PCNT: variants seen among roughly 807,000 people sequenced by gnomAD.
PCNT encodes kendrin.
In PCNT, 319 loss-of-function variants were observed where a neutral mutation model predicts 380.4. The ratio of observed to expected loss-of-function variants is 0.84; its 90% CI spans 0.77 to 0.92. PCNT has a LOEUF of 0.92. PCNT is among the 40% of genes least tolerant of loss of function. The pLI is 0.00. For synonymous variants in PCNT, 1,845 were observed against 1,735.2 expected, an observed-to-expected ratio of 1.06 and a Z score of -1.57; for missense variants, 4,400 against 4,255.3, an observed-to-expected ratio of 1.03 and a Z score of -0.95.
chr21:46,402,562 G>C (rs1222331905), intron 27 of PCNT, 79 bp downstream of exon 27: 25 of 1,474,604 alleles, frequency 1.7e-5, no homozygotes, highest in Non-Finnish European at 2.3e-5. Flanking sequence ...GACCCTCATC[G>C]GGGAGGCGAG....
At chr21:46,373,870 C>T (rs2085244621) in intron 15 of PCNT, among the ~76,000 whole-genome samples, 1 of 151,192 alleles carries the variant, frequency 6.6e-6, no homozygotes, top group African/African-American at 2.4e-5. Flanking sequence ...GCTGGGATTA[C>T]AGGCACATAC....
chr21:46,409,901 A>G lies in PCNT; in HGVS notation c.5116-1288A>G, dbSNP rs573382522. 7.2e-4 allele frequency among the ~76,000 whole-genome samples: 110 copies of G among 152,246 alleles called. 1 individual carries two copies. The highest frequency in any genetic ancestry group is 2.4e-3 in the African/African-American group (98 of 41,540). On this transcript the variant is annotated intron_variant, in intron 27 of 46. Coordinates refer to ENST00000359568, the MANE Select transcript of PCNT (RefSeq NM_006031.6). ...GAGCCACCGCGCCCGGCCTCAGTTC[A>G]CTGATTTCAGGTTTTGGTGTTTTAC... is the stretch of plus-strand genomic sequence containing the variant.
Position 46,326,459 on chromosome 21 carries a change from T to C in PCNT, c.137T>C (p.Val46Ala). The C allele has an allele frequency of 6.2e-7, 1 of 1,614,234 alleles. No individual in the cohort carries two copies. The highest frequency in any genetic ancestry group is 1.1e-5 in the South Asian group (1 of 91,086). ...ACGGCGAAGAGGAAGGGCTCGGCTG[T>C]CGATGCGTCTGTCCAGGAGGAGAGT... Reference protein sequence around the residue: ...KKTAKRKGSAVDASVQEESPV... With the variant: ...KKTAKRKGSAADASVQEESPV... Residue 46 changes from valine (V) to alanine (A), a missense_variant, in exon 2 of 47, where the codon GTC becomes GCC. Physicochemically the swap from Val to Ala is moderately conservative, Grantham distance 64 (BLOSUM62 0). Transcript: ENST00000359568.
chr21:46,442,580 C>T lies in PCNT; in HGVS notation c.9700+7C>T, dbSNP rs1423631131. ...GGCAAAGCCCCTCGCCCAGGTGGGA[C>T]TCCAGCTGCTGTTGACCGCTGGACT... is the stretch of plus-strand genomic sequence containing the variant. On this transcript the variant is annotated splice_region_variant and intron_variant, in intron 44 of 46. Transcript: ENST00000359568. 2 of 1,562,480 alleles carry T rather than the reference C, an allele frequency of 1.3e-6. No homozygotes were observed. The highest frequency in any genetic ancestry group is 2.7e-5 in the African/African-American group (2 of 73,834).
intron 29 of PCNT, 48 bp downstream of exon 29, chr21:46,413,040 A>T (rs1253267199): frequency 6.5e-7 from 1 of 1,544,314 alleles, no homozygotes; most frequent in Non-Finnish European, 8.8e-7. Flanking sequence ...GAGGCTGGAC[A>T]CGCGGCAGCA....
intron 9 of PCNT, among the ~76,000 whole-genome samples, chr21:46,352,498 C>A (rs539134164): frequency 1.3e-5 from 2 of 152,280 alleles, no homozygotes; most frequent in African/African-American, 4.8e-5. Context: ...ATGCAGAGAA[C>A]CCCGATTTGC....
rs2084069789 is a variant in PCNT, at chr21:46,346,433, C to A, written c.720+225C>A. 2.6e-5 allele frequency among the ~76,000 whole-genome samples: 4 copies of A among 152,276 alleles called. No homozygotes were observed. In the South Asian group the frequency reaches 8.3e-4, roughly 32 times the overall value. On this transcript the variant is annotated intron_variant, in intron 4 of 46. Transcript: ENST00000359568. Reference sequence around the variant, plus strand: ...AGGTGCAGGCCACATGAATGACACACTGACCTCAGGCCGGTTGCTCTCCCT... The same window carrying A: ...AGGTGCAGGCCACATGAATGACACAATGACCTCAGGCCGGTTGCTCTCCCT...
At chr21:46,340,063 C>G (rs1039546827) in intron 3 of PCNT, among the ~76,000 whole-genome samples, 7 of 152,184 alleles carry the variant, frequency 4.6e-5, no homozygotes, top group Non-Finnish European at 8.8e-5. Context: ...TTAATGGACT[C>G]ACAGTTCCAC....
chr21:46,416,737 G>A lies in PCNT; in HGVS notation c.6819G>A (p.Gly2273=), dbSNP rs200610141. The A allele has an allele frequency of 3.7e-4, 583 of 1,596,348 alleles. No individual in the cohort carries two copies. The highest frequency in any genetic ancestry group is 4.6e-4 in the Non-Finnish European group (544 of 1,170,166). Residue 2273 remains glycine, a synonymous_variant, in exon 30 of 47, where the codon GGG becomes GGA. Transcript: ENST00000359568. ...ACACCTCGCTGCCACAGACCCAGGG[G>A]CCGGGGCTGCTTTGTTCCCCAGGCG... ...RADTSLPQTQ[G]PGLLCSPGVS... is the part of the protein sequence containing the mutation.
intron 1 of PCNT, chr21:46,324,775 C>G (rs1328587076): frequency 1.5e-6 from 1 of 655,618 alleles, no homozygotes; most frequent in Non-Finnish European, 1.9e-6. Context: ...TGGTCTAGGG[C>G]CAGTTTCCTG....
At chr21:46,374,742 G>A (rs2085277007) in intron 15 of PCNT, among the ~76,000 whole-genome samples, 1 of 151,928 alleles carries the variant, frequency 6.6e-6, no homozygotes, top group South Asian at 2.1e-4. Context: ...CCAGCTACTC[G>A]GGAGGCTGAG....
intron 16 of PCNT, among the ~76,000 whole-genome samples, chr21:46,383,872 G>A (rs150720703): frequency 0.11 from 15,588 of 139,196 alleles, 2,909 homozygotes; most frequent in African/African-American, 0.37. Context: ...TGACGGAAGC[G>A]CATTCACGGT....
chr21:46,325,011 C>T (rs2083324971), intron 1 of PCNT: 2 of 985,202 alleles, frequency 2.0e-6, no homozygotes, highest in Admixed American at 6.1e-5. Flanking sequence ...ACCCACGCGG[C>T]GCTGGCGCCG....
chr21:46,344,983 G>T (rs536225790), intron 3 of PCNT, among the ~76,000 whole-genome samples: 1 of 152,184 alleles, frequency 6.6e-6, no homozygotes, highest in Non-Finnish European at 1.5e-5. Context: ...CTGAGGATTC[G>T]TAATATTCTT....
At position 46,425,765 on chromosome 21, in the gene PCNT, G is replaced by C; in HGVS notation, c.7180-66G>C. On this transcript the variant is annotated intron_variant, in intron 32 of 46. Coordinates refer to ENST00000359568, the MANE Select transcript of PCNT (RefSeq NM_006031.6). This position sits in a 1 kb window ranked among gnomAD's most constrained non-coding sequence, Gnocchi z 4.2. ...GTCCTGGCGGCAGCTCGGGGCCGCA[G>C]GTGGTGTAGAGCGTGGCTGTGTGGG... 1 of 1,608,304 alleles carries C rather than the reference G, an allele frequency of 6.2e-7. No homozygotes were observed. Among genetic ancestry groups the C allele is most frequent in the Non-Finnish European group, 8.5e-7 (1 of 1,178,534 alleles).
At chr21:46,347,958 G>A (rs1419395139) in intron 6 of PCNT, among the ~76,000 whole-genome samples, 1 of 152,220 alleles carries the variant, frequency 6.6e-6, no homozygotes, top group South Asian at 2.1e-4. Flanking sequence ...AGGTAGCAGT[G>A]CCCCGTCATT....
chr21:46,431,989 C>T lies in PCNT; in HGVS notation c.8525C>T (p.Thr2842Ile). 1 of 1,613,982 alleles carries T rather than the reference C, an allele frequency of 6.2e-7. No homozygotes were observed. Among genetic ancestry groups the T allele is most frequent in the Non-Finnish European group, 8.5e-7 (1 of 1,180,042 alleles). Residue 2842 changes from threonine (T) to isoleucine (I), a missense_variant, in exon 38 of 47, where the codon ACA becomes ATA. Transcript: ENST00000359568. ...AGGAGAGAGAAGGAGGTAAGTGCCA[C>T]ACTGAAGTCGACGGTGGAAGCCCTG... Reference protein sequence around the residue: ...ALRREKEVSATLKSTVEALHT... With the variant: ...ALRREKEVSAILKSTVEALHT...
intron 2 of PCNT, among the ~76,000 whole-genome samples, chr21:46,330,905 C>T (rs1452541445): frequency 6.6e-6 from 1 of 152,126 alleles, no homozygotes; most frequent in East Asian, 1.9e-4. Flanking sequence ...ATAGTTGTAC[C>T]AGTGCTTTAA....
chr21:46,412,216 G>A (rs577450844), intron 28 of PCNT, 149 bp downstream of exon 28: 33 of 818,916 alleles, frequency 4.0e-5, no homozygotes, highest in Non-Finnish European at 5.2e-5. Flanking sequence ...CCTGAAGCTC[G>A]GGCCAGCCTG....
Sources: gnomAD v4.1 joint callset for allele counts (sites outside exome capture counted in the v4.1 genomes callset) on GRCh38, gnomAD v4.1.1 for gene constraint, Gnocchi (gnomAD v3.1) non-coding constraint, MANE v1.5 for transcripts, NCBI Gene and HGNC (gene_info 2026-07-23, HGNC 2026-07-21) for gene names.